ATP10A: variants seen among roughly 807,000 people sequenced by gnomAD.
The protein encoded by ATP10A is ATPase phospholipid transporting 10A (putative).
Under a neutral mutation model 147.8 loss-of-function variants are expected in ATP10A, and 111 were observed. That is an observed-to-expected ratio of 0.75 (90% CI 0.64 to 0.88). ATP10A has a LOEUF of 0.88. Ranked by LOEUF, ATP10A falls within the 40% of genes least tolerant of loss-of-function variation. ATP10A has a pLI of 0.00. For synonymous variants in ATP10A, 875 were observed against 841.6 expected (o/e 1.04, Z -0.69); for missense variants, 1,927 against 1,959.0 (o/e 0.98, Z 0.31).
chr15:25,743,709 G>C (rs1014746873), intron 2 of ATP10A, among the ~76,000 whole-genome samples: 4 of 152,224 alleles, frequency 2.6e-5, no homozygotes, highest in Non-Finnish European at 4.4e-5. Flanking sequence ...TCGAAAGTTG[G>C]AAACAGGTCT....
intron 1 of ATP10A, among the ~76,000 whole-genome samples, chr15:25,818,941 T>C (rs1055427774): frequency 6.6e-6 from 1 of 152,064 alleles, no homozygotes; most frequent in East Asian, 1.9e-4. Flanking sequence ...TCAAGATAGA[T>C]TAAAGACTTA....
chr15:25,781,374 TGGCCG>T (rs562472094), intron 1 of ATP10A, 151 bp from the exon 2 acceptor site: 7 of 719,954 alleles, frequency 9.7e-6, no homozygotes, highest in South Asian at 9.2e-5. Context: ...AAAGAATATT[TGGCCG>T]GGTGTGGTGG....
chr15:25,719,003 C>T (rs981024569), intron 7 of ATP10A, among the ~76,000 whole-genome samples: 11 of 152,216 alleles, frequency 7.2e-5, no homozygotes, highest in Non-Finnish European at 1.5e-4. Flanking sequence ...TCCCCATGAC[C>T]TGGTGAACGC....
At chr15:25,839,817 AAGGCC>A (rs1456618497) in intron 1 of ATP10A, among the ~76,000 whole-genome samples, 3 of 152,150 alleles carry the variant, frequency 2.0e-5, no homozygotes, top group Non-Finnish European at 4.4e-5. Flanking sequence ...AGCCTCCCCT[AAGGCC>A]ACCATGCCCC....
chr15:25,823,173 T>C (rs1596955905), intron 1 of ATP10A, among the ~76,000 whole-genome samples: 1 of 152,080 alleles, frequency 6.6e-6, no homozygotes, highest in Non-Finnish European at 1.5e-5. Context: ...TAATGGAGGG[T>C]TTAATATTTT....
At chr15:25,820,226 T>C (rs997193997) in intron 1 of ATP10A, among the ~76,000 whole-genome samples, 20 of 152,176 alleles carry the variant, frequency 1.3e-4, no homozygotes, top group African/African-American at 4.6e-4. Flanking sequence ...CAGCAATAAC[T>C]AGCTCAAAAA....
intron 16 of ATP10A, among the ~76,000 whole-genome samples, chr15:25,684,524 C>T (rs1032026304): frequency 1.3e-5 from 2 of 152,152 alleles, no homozygotes; most frequent in African/African-American, 2.4e-5. Flanking sequence ...ATCGTTAGTT[C>T]CCTTGTTTGG....
chr15:25,811,559 T>G (rs754518892), intron 1 of ATP10A, among the ~76,000 whole-genome samples: 41 of 152,234 alleles, frequency 2.7e-4, no homozygotes, highest in Non-Finnish European at 5.0e-4. Flanking sequence ...CAGCTCTTGT[T>G]AGAGGAGTGC....
intron 2 of ATP10A, among the ~76,000 whole-genome samples, chr15:25,766,674 G>A (rs1046977916): frequency 2.0e-5 from 3 of 151,820 alleles, no homozygotes; most frequent in Non-Finnish European, 4.4e-5. Context: ...GGAACCACAC[G>A]CTCAAACACT....
chr15:25,769,894 GAC>G (rs1224478715), intron 2 of ATP10A, among the ~76,000 whole-genome samples: 4 of 152,122 alleles, frequency 2.6e-5, no homozygotes, highest in Admixed American at 6.6e-5. Context: ...TAAATGAGGT[GAC>G]TGAGATGGAC....
At chr15:25,842,379 A>G (rs1892847326) in intron 1 of ATP10A, among the ~76,000 whole-genome samples, 1 of 152,184 alleles carries the variant, frequency 6.6e-6, no homozygotes, top group South Asian at 2.1e-4. Context: ...CTGAGGCCCC[A>G]GTCAGTCTGC....
intron 1 of ATP10A, among the ~76,000 whole-genome samples, chr15:25,825,821 G>A (rs915793273): frequency 6.6e-6 from 1 of 152,024 alleles, no homozygotes; most frequent in Non-Finnish European, 1.5e-5. Context: ...CAACAAATAA[G>A]AAAAGAAAGT....
intron 1 of ATP10A, among the ~76,000 whole-genome samples, 155 bp downstream of exon 1, chr15:25,862,493 G>T (rs1425407673): frequency 6.6e-6 from 1 of 152,226 alleles, no homozygotes; most frequent in South Asian, 2.1e-4. Flanking sequence ...CTGTGGCTTC[G>T]GTCGGCACCG....
intron 2 of ATP10A, among the ~76,000 whole-genome samples, chr15:25,757,515 T>G (rs1436108341): frequency 6.6e-6 from 1 of 152,106 alleles, no homozygotes; most frequent in Non-Finnish European, 1.5e-5. Context: ...TCTATCTAAT[T>G]CAAAGGTTAT....
intron 1 of ATP10A, among the ~76,000 whole-genome samples, chr15:25,845,167 G>A (rs1015409682): frequency 1.3e-5 from 2 of 152,224 alleles, no homozygotes; most frequent in African/African-American, 4.8e-5. Context: ...GCGCTGGCAG[G>A]CAGCTTCTCA....
At chr15:25,785,873 T>A (rs1350034414) in intron 1 of ATP10A, among the ~76,000 whole-genome samples, 1 of 152,162 alleles carries the variant, frequency 6.6e-6, no homozygotes, top group Non-Finnish European at 1.5e-5. Context: ...AGGGGCAGGG[T>A]CTGCTTGGAG....
At chr15:25,760,579 C>A (rs1213464861) in intron 2 of ATP10A, among the ~76,000 whole-genome samples, 1 of 152,192 alleles carries the variant, frequency 6.6e-6, no homozygotes, top group Non-Finnish European at 1.5e-5. Flanking sequence ...AAAACTCTGA[C>A]AAGTATATAG....
Position 25,718,394 on chromosome 15 carries a change from G to A in ATP10A, c.1369C>T (p.Arg457Cys), listed in dbSNP as rs768723706. The change falls in exon 8 of 21, where the codon CGT becomes TGT. Residue 457 changes from arginine (R) to cysteine (C), a missense_variant. By Grantham distance (180) the Arg-to-Cys change is radical. Coordinates refer to ENST00000555815, the MANE Select transcript of ATP10A (RefSeq NM_024490.4). Reference protein sequence around the residue: ...VEYSHDANAQRLARYQEADSE... With the variant: ...VEYSHDANAQCLARYQEADSE... ...TCTGCCTCTTGGTACCTGGCCAGAC[G>A]CTGCGCTGCGGGGAGAGGGCGCAGG... 4 of 1,595,062 alleles carry A rather than the reference G, an allele frequency of 2.5e-6. No individual in the cohort carries two copies. The highest frequency in any genetic ancestry group is 2.6e-6 in the Non-Finnish European group (3 of 1,173,910).
chr15:25,713,665 T>A lies in ATP10A; in HGVS notation c.2344+9A>T. On this transcript the variant is annotated intron_variant, in intron 10 of 20. Transcript: ENST00000555815. ...GAGCTGGGGTGCAGCTGGGCAGGGG[T>A]GGGAGTACCTGAAGAGCAGGGCTGC... 1.9e-6 allele frequency: 3 copies of A among 1,611,880 alleles called. No homozygotes were observed. Among genetic ancestry groups the A allele is most frequent in the Non-Finnish European group, 2.5e-6 (3 of 1,179,110 alleles).
Sources: allele counts gnomAD v4.1 joint callset (sites outside exome capture counted in the v4.1 genomes callset), GRCh38; gene constraint gnomAD v4.1.1; transcripts MANE v1.5; gene names NCBI Gene and HGNC (gene_info 2026-07-23, HGNC 2026-07-21).